GAB2: variants seen among roughly 807,000 people sequenced by gnomAD.
GAB2 encodes the protein GRB2 associated binding protein 2.
Under a neutral mutation model 65.5 loss-of-function variants are expected in GAB2, and 26 were observed. The ratio of observed to expected loss-of-function variants is 0.40; its 90% CI spans 0.29 to 0.55. The LOEUF is 0.55. GAB2 is among the 20% of genes least tolerant of loss of function. The pLI is 0.53. For missense variants in GAB2, 884 were observed against 875.8 expected, an observed-to-expected ratio of 1.01 and a Z score of -0.12; for synonymous variants, 321 against 329.6, an observed-to-expected ratio of 0.97 and a Z score of 0.28.
At chr11:78,373,340 G>A (rs1219286960) in intron 1 of GAB2, among the ~76,000 whole-genome samples, 1 of 150,884 alleles carries the variant, frequency 6.6e-6, no homozygotes, top group Non-Finnish European at 1.5e-5. Flanking sequence ...CAGGGTTAAA[G>A]CGATTCTCCT....
At chr11:78,346,987 G>GGGCA (rs1856202159) in intron 1 of GAB2, among the ~76,000 whole-genome samples, 2 of 151,906 alleles carry the variant, frequency 1.3e-5, no homozygotes, top group African/African-American at 4.8e-5. Flanking sequence ...AAAGCAGACT[G>GGGCA]ACTCACTATT....
chr11:78,230,889 G>A (rs1350805323), intron 3 of GAB2, among the ~76,000 whole-genome samples: 3 of 152,226 alleles, frequency 2.0e-5, no homozygotes, highest in African/African-American at 7.2e-5. Flanking sequence ...GTATTTTCAT[G>A]TAAACCTTAA....
At position 78,392,253 on chromosome 11, in the gene GAB2, AG is replaced by A. The variant is rs767943771; in HGVS notation, c.75+25392del. The A allele has an allele frequency of 1.7e-3, 250 of 150,138 alleles. 1 individual carries two copies. The highest frequency in any genetic ancestry group is 4.4e-3 in the African/African-American group (180 of 40,636). The allele number at this position is 150,138 out of a possible 1,614,324, so 9.3% of individuals were successfully genotyped here. A position where few individuals can be genotyped will look rare whatever the true frequency, so the allele number is the denominator to read the frequency against. On this transcript the variant is annotated intron_variant, in intron 1 of 9. Coordinates refer to ENST00000361507, the MANE Select transcript of GAB2 (RefSeq NM_080491.3). The stretch of plus-strand genomic sequence containing the variant: ...ACTCCTTCTCGAACAAAAAAAAAAA[AG>A]AAGAAGAAGAAGAAAACTGTATTTT...
chr11:78,220,730 G>T (rs568159508), intron 8 of GAB2, among the ~76,000 whole-genome samples: 90 of 152,250 alleles, frequency 5.9e-4, no homozygotes, highest in African/African-American at 2.0e-3. Flanking sequence ...TGGGAATCAG[G>T]TCTGTTTTCT....
intron 1 of GAB2, among the ~76,000 whole-genome samples, chr11:78,285,655 C>T (rs1866459238): frequency 6.6e-6 from 1 of 152,076 alleles, no homozygotes; most frequent in Non-Finnish European, 1.5e-5. Context: ...TTAGTAGAGA[C>T]GGGGTTTCAC....
intron 1 of GAB2, among the ~76,000 whole-genome samples, chr11:78,328,168 C>CTA (rs1423552659): frequency 6.6e-6 from 1 of 152,204 alleles, no homozygotes; most frequent in African/African-American, 2.4e-5. Flanking sequence ...ACACCAAACA[C>CTA]TAGGCACTCT....
At chr11:78,343,011 C>T (rs1269142345) in intron 1 of GAB2, among the ~76,000 whole-genome samples, 1 of 152,028 alleles carries the variant, frequency 6.6e-6, no homozygotes, top group East Asian at 1.9e-4. Context: ...GATACAAGAC[C>T]CACATAAGGG....
chr11:78,274,824 T>C (rs1046890904), intron 2 of GAB2, among the ~76,000 whole-genome samples: 2 of 152,094 alleles, frequency 1.3e-5, no homozygotes, highest in African/African-American at 2.4e-5. Flanking sequence ...GGGGCAAAAA[T>C]ATCCAGGCCT....
intron 1 of GAB2, among the ~76,000 whole-genome samples, chr11:78,385,311 G>T (rs1856752162): frequency 6.6e-6 from 1 of 152,194 alleles, no homozygotes; most frequent in Non-Finnish European, 1.5e-5. Context: ...TAAATGTCAG[G>T]ACTGTGGGAA....
At chr11:78,414,847 C>T (rs995834524) in intron 1 of GAB2, among the ~76,000 whole-genome samples, 5 of 152,174 alleles carry the variant, frequency 3.3e-5, no homozygotes, top group African/African-American at 1.2e-4. Context: ...CCCTCTACAC[C>T]TTCCCGTCTT....
At chr11:78,276,892 A>C (rs1042730281) in intron 2 of GAB2, among the ~76,000 whole-genome samples, 1 of 152,166 alleles carries the variant, frequency 6.6e-6, no homozygotes, top group Non-Finnish European at 1.5e-5. Context: ...ATCTCGGCTC[A>C]CTACAAGCTC....
At chr11:78,354,586 T>C in intron 1 of GAB2, among the ~76,000 whole-genome samples, 1 of 152,052 alleles carries the variant, frequency 6.6e-6, no homozygotes, top group East Asian at 1.9e-4. Context: ...AAGGAAATCA[T>C]CTATGCCAAA....
At chr11:78,315,580 G>C (rs1333818591) in intron 1 of GAB2, among the ~76,000 whole-genome samples, 1 of 152,056 alleles carries the variant, frequency 6.6e-6, no homozygotes, top group East Asian at 1.9e-4. Context: ...AGAAAACATA[G>C]AAAAAATGTT....
intron 3 of GAB2, among the ~76,000 whole-genome samples, chr11:78,246,120 C>T (rs593244): frequency 4.0e-5 from 6 of 151,532 alleles, no homozygotes; most frequent in African/African-American, 9.7e-5. Context: ...TTAGTAGAGA[C>T]GGGGTTTCAC....
intron 1 of GAB2, among the ~76,000 whole-genome samples, chr11:78,408,967 T>C (rs1337361159): frequency 2.0e-5 from 3 of 152,198 alleles, no homozygotes; most frequent in Non-Finnish European, 4.4e-5. Context: ...CTCAGGTAGT[T>C]CTTTACAGCA....
intron 1 of GAB2, among the ~76,000 whole-genome samples, chr11:78,399,831 T>C (rs963225836): frequency 1.3e-5 from 2 of 152,208 alleles, no homozygotes; most frequent in Non-Finnish European, 2.9e-5. Context: ...TTCTGATAAA[T>C]GTGCAAACCC....
rs530209025 is a variant in GAB2 at position 78,415,913 on chromosome 11, T to C, written c.75+1733A>G. Reference sequence around the variant, plus strand: ...ACTTTCAAGGTTCTTTAGTGTATAGTGTTCAAACTTGAAAATTAAGGGTCA... The same window carrying C: ...ACTTTCAAGGTTCTTTAGTGTATAGCGTTCAAACTTGAAAATTAAGGGTCA... On this transcript the variant is annotated intron_variant, in intron 1 of 9. Coordinates refer to ENST00000361507, the MANE Select transcript of GAB2 (RefSeq NM_080491.3). Among the ~76,000 whole-genome samples the C allele has an allele frequency of 9.2e-5, 14 of 151,756 alleles. No individual in the cohort carries two copies. The South Asian group carries it at 1.7e-3, about 18-fold the overall frequency.
intron 1 of GAB2, among the ~76,000 whole-genome samples, chr11:78,380,492 A>G (rs370828049): frequency 2.0e-5 from 3 of 152,248 alleles, no homozygotes; most frequent in African/African-American, 4.8e-5. Flanking sequence ...GAATGAGAAC[A>G]TTTCTAAGGC....
chr11:78,316,040 C>T (rs955740738), intron 1 of GAB2, among the ~76,000 whole-genome samples: 1 of 152,198 alleles, frequency 6.6e-6, no homozygotes, highest in African/African-American at 2.4e-5. Context: ...CCCACTCCCC[C>T]TCCCCCTGCC....
Sources: gnomAD v4.1 joint callset for allele counts (sites outside exome capture counted in the v4.1 genomes callset) on GRCh38, gnomAD v4.1.1 for gene constraint, MANE v1.5 for transcripts, NCBI Gene and HGNC (gene_info 2026-07-23, HGNC 2026-07-21) for gene names.